Variants in NOSTRIN observed in about 807,000 individuals in gnomAD.
NOSTRIN encodes the protein nitric oxide synthase trafficking.
In NOSTRIN, 63 loss-of-function variants were observed where a neutral mutation model predicts 59.0. That is an observed-to-expected ratio of 1.07 (90% CI 0.87 to 1.32). The LOEUF (loss-of-function observed/expected upper bound fraction) is 1.32, where lower values mean the gene tolerates loss of function less well. Among genes scored for constraint, NOSTRIN ranks in the 40% most tolerant of loss-of-function variants. The probability of loss-of-function intolerance (pLI) is 0.00; values close to 1 mark genes in which losing one functional copy is unlikely to be tolerated. For synonymous variants in NOSTRIN, 200 were observed against 165.4 expected (o/e 1.21, Z -1.61); for missense variants, 512 against 473.1 (o/e 1.08, Z -0.76).
chr2:168,811,627 C>G lies in NOSTRIN; in HGVS notation c.88C>G (p.Gln30Glu), dbSNP rs781506508. 1 of 862,816 alleles carries G rather than the reference C, an allele frequency of 1.2e-6. No homozygotes were observed. The highest frequency in any genetic ancestry group is 2.0e-6 in the Non-Finnish European group (1 of 498,086). The allele number at this position is 862,816 out of a possible 1,614,324, so 53.4% of individuals were successfully genotyped here. ...FSQNGENFCKQVTSVLQQRAN... is the reference protein window; with the variant it reads ...FSQNGENFCKEVTSVLQQRAN... ...TCAAAATGGAGAGAATTTCTGCAAA[C>G]AGGTCACATCTGTTCTTCAGCAAAG... is the stretch of plus-strand genomic sequence containing the variant. The change falls in exon 2 of 16, where the codon CAG (glutamine) becomes GAG (glutamate). Residue 30 changes from glutamine to glutamate, a missense_variant. Coordinates refer to ENST00000317647, the MANE Select transcript of NOSTRIN (RefSeq NM_001039724.4).
intron 8 of NOSTRIN, among the ~76,000 whole-genome samples, chr2:168,845,356 A>G (rs1366950289): frequency 5.9e-5 from 9 of 152,278 alleles, no homozygotes; most frequent in Admixed American, 4.6e-4. Flanking sequence ...CTCCCACTCC[A>G]TCTTCCAGGC....
At chr2:168,788,874 TACAC>T (rs1000273804) in intron 2 of NOSTRIN, among the ~76,000 whole-genome samples, 2 of 149,040 alleles carry the variant, frequency 1.3e-5, no homozygotes, top group Non-Finnish European at 3.0e-5. Flanking sequence ...TGTGTGCGTA[TACAC>T]ACACACAGAT....
intron 7 of NOSTRIN, among the ~76,000 whole-genome samples, chr2:168,837,685 C>T (rs1267438520): frequency 6.6e-6 from 1 of 152,100 alleles, no homozygotes; most frequent in African/African-American, 2.4e-5. Flanking sequence ...TTCAAATCAC[C>T]CTAATCAAGC....
At chr2:168,845,443 A>T (rs1688355604) in intron 8 of NOSTRIN, among the ~76,000 whole-genome samples, 1 of 152,238 alleles carries the variant, frequency 6.6e-6, no homozygotes. Flanking sequence ...CCTACATCGC[A>T]GCAATGGGAG....
At chr2:168,854,099 C>T (rs1688938023) in intron 10 of NOSTRIN, among the ~76,000 whole-genome samples, 1 of 152,190 alleles carries the variant, frequency 6.6e-6, no homozygotes, top group South Asian at 2.1e-4. Context: ...GAACTCCTGA[C>T]CTCAAGTGAT....
At position 168,834,253 on chromosome 2, in the gene NOSTRIN, C is replaced by A. The variant is rs1228482704; in HGVS notation, c.432C>A (p.Thr144=). The A allele has an allele frequency of 1.3e-5, 11 of 872,614 alleles. No individual in the cohort carries two copies. Among genetic ancestry groups the A allele is most frequent in the Admixed American group, 1.7e-5 (1 of 59,162 alleles). 54.1% of individuals were successfully genotyped at this position (872,614 alleles called of 1,614,324 possible). The part of the protein sequence containing the change: ...IKAKKKLMVS[T]KKHEALFQLV... ...CCAAGAAGAAATTAATGGTTAGTAC[C>A]AAGAAACATGAAGCACTTTTCCAGC... Residue 144 remains threonine (T), a synonymous_variant, in exon 7 of 16, where the codon ACC becomes ACA. Coordinates refer to ENST00000317647, the MANE Select transcript of NOSTRIN (RefSeq NM_001039724.4).
chr2:168,844,927 T>C (rs944975583), intron 8 of NOSTRIN, among the ~76,000 whole-genome samples: 1 of 151,624 alleles, frequency 6.6e-6, no homozygotes, highest in Non-Finnish European at 1.5e-5. Context: ...CCTGCCCCAT[T>C]GAAAACTGGG....
chr2:168,802,193 G>A (rs943177768), upstream of NOSTRIN, among the ~76,000 whole-genome samples: 2 of 152,132 alleles, frequency 1.3e-5, no homozygotes, highest in African/African-American at 2.4e-5. Context: ...CTAACCCTCA[G>A]AGAGGCAGTC....
chr2:168,834,864 G>A (rs1687628049), intron 7 of NOSTRIN, among the ~76,000 whole-genome samples: 1 of 151,992 alleles, frequency 6.6e-6, no homozygotes, highest in Admixed American at 6.6e-5. Flanking sequence ...AGTACTTTAT[G>A]TATTATGTTA....
rs1205571817 is a variant in NOSTRIN at position 168,856,794 on chromosome 2, G to C, written c.1053+16G>C. ...AATGGATGAGGTAAATGTTTGCCGA[G>C]TGCATTTCCTAGATGTAGTGATGAA... On this transcript the variant is annotated intron_variant, in intron 12 of 15. Coordinates refer to ENST00000317647, the MANE Select transcript of NOSTRIN (RefSeq NM_001039724.4). 1.2e-6 allele frequency: 2 copies of C among 1,609,938 alleles called. No homozygotes were observed. Among genetic ancestry groups the C allele is most frequent in the Non-Finnish European group, 1.7e-6 (2 of 1,176,236 alleles).
chr2:168,839,921 A>G (rs946914503), intron 7 of NOSTRIN, among the ~76,000 whole-genome samples: 101 of 78,520 alleles, frequency 1.3e-3, no homozygotes, highest in Admixed American at 2.9e-3. Context: ...ATATATATAT[A>G]TGTGTGTGTG....
intron 1 of NOSTRIN, among the ~76,000 whole-genome samples, chr2:168,806,165 A>G (rs1363403314): frequency 1.3e-5 from 2 of 152,178 alleles, no homozygotes; most frequent in Non-Finnish European, 2.9e-5. Context: ...ACATGATATC[A>G]GTAGCACAGT....
intron 2 of NOSTRIN, among the ~76,000 whole-genome samples, chr2:168,815,547 G>A (rs1354882690): frequency 6.6e-6 from 1 of 152,118 alleles, no homozygotes; most frequent in Non-Finnish European, 1.5e-5. Context: ...ACATTAAAAA[G>A]AAAAGAATAA....
chr2:168,818,252 C>T (rs532408559), intron 2 of NOSTRIN: 3 of 435,778 alleles, frequency 6.9e-6, no homozygotes, highest in South Asian at 1.7e-5. Flanking sequence ...CTCCTGTGCT[C>T]GCGAACTCCT....
intron 14 of NOSTRIN, among the ~76,000 whole-genome samples, 189 bp from the exon 15 acceptor site, chr2:168,861,771 A>G (rs1689466151): frequency 6.6e-6 from 1 of 152,252 alleles, no homozygotes; most frequent in African/African-American, 2.4e-5. Flanking sequence ...CAGTCCATAC[A>G]TATAGAAAGT....
At chr2:168,791,163 C>A (rs1454969222) in intron 2 of NOSTRIN, among the ~76,000 whole-genome samples, 1 of 152,108 alleles carries the variant, frequency 6.6e-6, no homozygotes, top group Non-Finnish European at 1.5e-5. Context: ...CCACAACAGT[C>A]CCCAGTGTGT....
intron 2 of NOSTRIN, among the ~76,000 whole-genome samples, chr2:168,818,017 C>A (rs897584184): frequency 1.3e-5 from 2 of 152,168 alleles, no homozygotes; most frequent in Non-Finnish European, 2.9e-5. Flanking sequence ...GGTGCTGGTC[C>A]TAAGTAGGAA....
chr2:168,831,593 T>C, intron 6 of NOSTRIN, 59 bp downstream of exon 6: 1 of 809,088 alleles, frequency 1.2e-6, no homozygotes, highest in Non-Finnish European at 2.2e-6. Flanking sequence ...AGTGTTTTGC[T>C]TTCATACAAA....
chr2:168,847,980 A>T (rs1315355216), intron 8 of NOSTRIN, among the ~76,000 whole-genome samples: 1 of 152,194 alleles, frequency 6.6e-6, no homozygotes, highest in Non-Finnish European at 1.5e-5. Flanking sequence ...CTAGTGGTTC[A>T]GCACTTGTCA....
Sources: gnomAD v4.1 joint callset for allele counts (sites outside exome capture counted in the v4.1 genomes callset) on GRCh38, gnomAD v4.1.1 for gene constraint, MANE v1.5 for transcripts, NCBI Gene and HGNC (gene_info 2026-07-23, HGNC 2026-07-21) for gene names.